The following NRG3 variants were observed in gnomAD, a reference collection of about 807,000 sequenced individuals.
The protein encoded by NRG3 is pro-neuregulin-3, membrane-bound isoform.
In NRG3, 31 loss-of-function variants were observed where a neutral mutation model predicts 66.9. That is an observed-to-expected ratio of 0.46 (90% CI 0.35 to 0.63). The LOEUF (loss-of-function observed/expected upper bound fraction) is 0.63. Ranked by LOEUF, NRG3 falls within the 20% of genes least tolerant of loss-of-function variation. NRG3 has a pLI of 0.00. For synonymous variants in NRG3, 393 were observed against 359.4 expected, an observed-to-expected ratio of 1.09 and a Z score of -1.06; for missense variants, 910 against 878.9, an observed-to-expected ratio of 1.04 and a Z score of -0.45.
At chr10:82,275,685 G>A (rs2078812823) in intron 1 of NRG3, among the ~76,000 whole-genome samples, 1 of 151,940 alleles carries the variant, frequency 6.6e-6, no homozygotes, top group Non-Finnish European at 1.5e-5. Context: ...ACTCTTGTCA[G>A]TATATTTATT....
chr10:82,101,986 T>C, intron 1 of NRG3, among the ~76,000 whole-genome samples: 1 of 142,774 alleles, frequency 7.0e-6, no homozygotes. Flanking sequence ...ATTTTACAGT[T>C]CTGTATATAT....
intron 3 of NRG3, among the ~76,000 whole-genome samples, chr10:82,828,112 C>T (rs1476891291): frequency 6.6e-6 from 1 of 152,012 alleles, no homozygotes; most frequent in Non-Finnish European, 1.5e-5. Context: ...TTCCGAGACC[C>T]ACTAAAATTG....
At chr10:82,281,224 G>A (rs544962185) in intron 1 of NRG3, among the ~76,000 whole-genome samples, 172 of 152,168 alleles carry the variant, frequency 1.1e-3, no homozygotes, top group African/African-American at 3.7e-3. Flanking sequence ...GCTAATTTCC[G>A]TCTGGGATGA....
At chr10:82,574,486 A>G (rs1167627571) in intron 2 of NRG3, among the ~76,000 whole-genome samples, 1 of 151,810 alleles carries the variant, frequency 6.6e-6, no homozygotes, top group East Asian at 1.9e-4. Context: ...AAGTGACTGC[A>G]GTTAACAATA....
chr10:82,867,041 G>A (rs559375852), intron 4 of NRG3, among the ~76,000 whole-genome samples: 2 of 152,278 alleles, frequency 1.3e-5, no homozygotes, highest in East Asian at 1.9e-4. Context: ...CTGGAATTTA[G>A]TAGATGACAA....
intron 4 of NRG3, among the ~76,000 whole-genome samples, chr10:82,881,710 A>G (rs771439981): frequency 1.3e-4 from 20 of 152,198 alleles, no homozygotes; most frequent in Admixed American, 6.5e-4. Flanking sequence ...ATATCTATGT[A>G]TTTATGTATG....
chr10:82,086,945 G>A (rs2133468855), intron 1 of NRG3, among the ~76,000 whole-genome samples: 1 of 152,222 alleles, frequency 6.6e-6, no homozygotes, highest in Non-Finnish European at 1.5e-5. Context: ...GATGGGTAAG[G>A]CTTAGCACAG....
intron 2 of NRG3, among the ~76,000 whole-genome samples, chr10:82,377,433 C>T (rs1054176434): frequency 2.3e-4 from 28 of 121,972 alleles, no homozygotes; most frequent in Admixed American, 3.8e-4. Context: ...TGTGTGTGTG[C>T]GCGTGTGTGT....
At chr10:82,677,706 G>T (rs186625172) in intron 2 of NRG3, among the ~76,000 whole-genome samples, 1 of 152,112 alleles carries the variant, frequency 6.6e-6, no homozygotes, top group Non-Finnish European at 1.5e-5. Flanking sequence ...GGGGTGTAAG[G>T]CAGAGTGAGA....
chr10:82,153,735 G>A (rs373741284), intron 1 of NRG3, among the ~76,000 whole-genome samples: 21 of 151,776 alleles, frequency 1.4e-4, no homozygotes, highest in East Asian at 9.7e-4. Context: ...ATTATCTTTC[G>A]TACTTTTGAT....
intron 5 of NRG3, chr10:82,955,078 A>T (rs1478112710): frequency 6.6e-6 from 1 of 151,888 alleles, no homozygotes; most frequent in Non-Finnish European, 1.5e-5. Flanking sequence ...GCTGAGACTT[A>T]GCTCAAAGCT....
intron 1 of NRG3, among the ~76,000 whole-genome samples, chr10:81,908,821 T>C (rs1015416675): frequency 6.6e-6 from 1 of 152,154 alleles, no homozygotes; most frequent in Non-Finnish European, 1.5e-5. Context: ...TAAGTCCTAG[T>C]GTTCACCTGA....
At chr10:82,039,086 A>G (rs2062918024) in intron 1 of NRG3, among the ~76,000 whole-genome samples, 1 of 152,134 alleles carries the variant, frequency 6.6e-6, no homozygotes, top group African/African-American at 2.4e-5. Flanking sequence ...CTAAAAATAT[A>G]CAGGTGTATT....
intron 1 of NRG3, among the ~76,000 whole-genome samples, chr10:82,026,386 A>G (rs2062307002): frequency 6.6e-6 from 1 of 152,108 alleles, no homozygotes; most frequent in South Asian, 2.1e-4. Flanking sequence ...ATTCCAATAC[A>G]CAAAGGATGC....
At chr10:82,046,881 G>T (rs1232270764) in intron 1 of NRG3, among the ~76,000 whole-genome samples, 2 of 140,974 alleles carry the variant, frequency 1.4e-5, no homozygotes, top group African/African-American at 5.0e-5. Flanking sequence ...TTATCGATTT[G>T]TGTATATTGA....
At chr10:82,580,651 C>T (rs975470198) in intron 2 of NRG3, among the ~76,000 whole-genome samples, 11 of 151,896 alleles carry the variant, frequency 7.2e-5, no homozygotes, top group African/African-American at 1.9e-4. Context: ...TCAAACAATA[C>T]GCAGTCTTTT....
At chr10:82,965,540 A>T (rs1437755578) in intron 6 of NRG3, among the ~76,000 whole-genome samples, 3 of 152,184 alleles carry the variant, frequency 2.0e-5, no homozygotes, top group Non-Finnish European at 4.4e-5. Context: ...GTTTGAGACC[A>T]GCCTGCCCAA....
chr10:82,648,991 T>A lies in NRG3; in HGVS notation c.954-89586T>A, dbSNP rs149501915. ...ACATATCTCAAAATAATAAGAGCTA[T>A]CTATGACAAACCCACAGCCAATATC... On this transcript the variant is annotated intron_variant, in intron 2 of 8. Coordinates refer to ENST00000372141, the MANE Select transcript of NRG3 (RefSeq NM_001010848.4). 4.8e-3 allele frequency among the ~76,000 whole-genome samples: 732 copies of A among 152,252 alleles called. 3 individuals are homozygous for A. Among genetic ancestry groups the A allele is most frequent in the African/African-American group, 0.017 (695 of 41,526 alleles).
At chr10:81,913,179 GTAACCA>G (rs1845340531) in intron 1 of NRG3, among the ~76,000 whole-genome samples, 1 of 76,202 alleles carries the variant, frequency 1.3e-5, no homozygotes, top group Non-Finnish European at 2.3e-5. Flanking sequence ...CATTGATGGA[GTAACCA>G]AGGGCTTGGT....
Sources: gnomAD v4.1 joint callset for allele counts (sites outside exome capture counted in the v4.1 genomes callset) on GRCh38, gnomAD v4.1.1 for gene constraint, MANE v1.5 for transcripts, NCBI Gene and HGNC (gene_info 2026-07-23, HGNC 2026-07-21) for gene names.